The following FGF12 variants were observed in gnomAD, a reference collection of about 807,000 sequenced individuals.
FGF12 encodes the protein fibroblast growth factor 12B.
Under a neutral mutation model 23.6 loss-of-function variants are expected in FGF12, and 14 were observed. The ratio of observed to expected loss-of-function variants is 0.59; its 90% CI spans 0.39 to 0.93. The LOEUF is 0.93. Among genes scored for constraint, FGF12 ranks in the 40% least tolerant of loss-of-function variants. The pLI, the probability that FGF12 is intolerant of heterozygous loss-of-function variation, is 0.00. For synonymous variants in FGF12, 62 were observed against 77.3 expected (o/e 0.80, Z 1.04); for missense variants, 175 against 217.8 (o/e 0.80, Z 1.24).
intron 4 of FGF12, among the ~76,000 whole-genome samples, chr3:192,252,345 C>T (rs1332143947): frequency 6.6e-6 from 1 of 150,870 alleles, no homozygotes; most frequent in Non-Finnish European, 1.5e-5. Context: ...TGCCTGGAAT[C>T]CCAGCTACTG....
At chr3:192,489,515 G>A (rs766708110) in intron 2 of FGF12, among the ~76,000 whole-genome samples, 2 of 151,892 alleles carry the variant, frequency 1.3e-5, no homozygotes, top group Admixed American at 6.6e-5. Context: ...CATAATCAAC[G>A]CAAGCCAAAC....
chr3:192,190,030 A>T (rs1716693841), intron 4 of FGF12, among the ~76,000 whole-genome samples: 2 of 152,362 alleles, frequency 1.3e-5, no homozygotes, highest in East Asian at 3.9e-4. Flanking sequence ...GACAAATTGA[A>T]AAAAGCATGG....
intron 2 of FGF12, among the ~76,000 whole-genome samples, chr3:192,605,045 C>A (rs114048165): frequency 4.6e-5 from 7 of 152,062 alleles, no homozygotes; most frequent in African/African-American, 9.7e-5. Flanking sequence ...AAAACTCAAG[C>A]TGAATTAAAG....
In FGF12 at chr3:192,580,373, A is replaced by T. The variant is rs76927514; in HGVS notation, c.13+146808T>A. ...CCCTTATAAAAAATGATTAGAGATG[A>T]AAACTGCTTCAAGCTCTCCCTGAAA... On this transcript the variant is annotated intron_variant, in intron 2 of 5. Transcript: ENST00000445105. Among the ~76,000 whole-genome samples, 488 of 152,082 alleles carry T rather than the reference A, an allele frequency of 3.2e-3. 1 individual carries two copies. The highest frequency in any genetic ancestry group is 0.011 in the African/African-American group (474 of 41,484).
At chr3:192,194,334 A>T (rs976634051) in intron 4 of FGF12, among the ~76,000 whole-genome samples, 7 of 152,196 alleles carry the variant, frequency 4.6e-5, no homozygotes, top group African/African-American at 9.6e-5. Context: ...GATAATGCAT[A>T]CCTCAGAGGA....
rs1482447213 is a variant in FGF12 at position 192,664,594 on chromosome 3, C to CAAAAAAAAAAAA, written c.13+62586_13+62587insTTTTTTTTTTTT. Among the ~76,000 whole-genome samples, 123 of 97,008 alleles carry CAAAAAAAAAAAA rather than the reference C, an allele frequency of 1.3e-3. 17 individuals are homozygous for CAAAAAAAAAAAA. Among genetic ancestry groups the CAAAAAAAAAAAA allele is most frequent in the African/African-American group, 4.0e-3 (93 of 23,028 alleles). 63.6% of individuals were successfully genotyped at this position (97,008 alleles called of 152,430 possible). ...TGAAACCCTGTCTCTACTAAAAATA[C>CAAAAAAAAAAAA]AAAAAAAATACAAAAAAAAAAAAAA... On this transcript the variant is annotated intron_variant, in intron 2 of 5. Transcript: ENST00000445105.
At chr3:192,516,657 G>GCTC (rs1225363702) in intron 2 of FGF12, 1 of 152,216 alleles carries the variant, frequency 6.6e-6, no homozygotes, top group Non-Finnish European at 1.5e-5. Context: ...TCCTTTCAAA[G>GCTC]CTGAAGCTCC....
intron 4 of FGF12, among the ~76,000 whole-genome samples, chr3:192,198,153 CTGAG>C (rs1717175271): frequency 1.3e-5 from 2 of 151,952 alleles, no homozygotes; most frequent in South Asian, 4.1e-4. Context: ...AGGCAGAGAG[CTGAG>C]TATTTTGTAT....
chr3:192,487,571 G>T (rs1296914694), intron 2 of FGF12, among the ~76,000 whole-genome samples: 1 of 152,088 alleles, frequency 6.6e-6, no homozygotes, highest in East Asian at 1.9e-4. Context: ...TACTGTTCAT[G>T]TCATTGCTGG....
chr3:192,570,155 A>T (rs1712527367), intron 2 of FGF12, among the ~76,000 whole-genome samples: 1 of 152,234 alleles, frequency 6.6e-6, no homozygotes, highest in Admixed American at 6.5e-5. Flanking sequence ...GGAGGAAGAC[A>T]GAGGTGCCAT....
chr3:192,397,060 G>A (rs556949143), intron 2 of FGF12, among the ~76,000 whole-genome samples: 25 of 152,236 alleles, frequency 1.6e-4, no homozygotes, highest in African/African-American at 5.5e-4. Flanking sequence ...AAATGCACTC[G>A]GGAACATTTC....
At chr3:192,154,999 T>C (rs929768048) in intron 5 of FGF12, among the ~76,000 whole-genome samples, 16 of 145,452 alleles carry the variant, frequency 1.1e-4, no homozygotes, top group South Asian at 9.3e-4. Flanking sequence ...GAGCCAGGTG[T>C]GGGATATAGT....
At chr3:192,387,497 C>A (rs576216020) in intron 2 of FGF12, among the ~76,000 whole-genome samples, 3 of 152,112 alleles carry the variant, frequency 2.0e-5, no homozygotes, top group Admixed American at 1.3e-4. Context: ...AAAATGATTT[C>A]TTTTTATTAC....
chr3:192,474,008 A>G (rs932538483), intron 2 of FGF12, among the ~76,000 whole-genome samples: 35 of 152,318 alleles, frequency 2.3e-4, no homozygotes, highest in African/African-American at 8.4e-4. Flanking sequence ...TTAAATATTT[A>G]TTGTAAGCCA....
At chr3:192,433,913 T>C (rs951763002) in intron 2 of FGF12, among the ~76,000 whole-genome samples, 1 of 152,206 alleles carries the variant, frequency 6.6e-6, no homozygotes, top group African/African-American at 2.4e-5. Context: ...TCAGTATTTC[T>C]GGCCATTTCG....
chr3:192,542,261 A>T (rs1489228585), intron 2 of FGF12, among the ~76,000 whole-genome samples: 1 of 151,866 alleles, frequency 6.6e-6, no homozygotes, highest in East Asian at 1.9e-4. Flanking sequence ...CTTCCACCTG[A>T]TTTATTCTGC....
chr3:192,544,567 T>G (rs1266580717), intron 2 of FGF12, among the ~76,000 whole-genome samples: 1 of 152,206 alleles, frequency 6.6e-6, no homozygotes, highest in Non-Finnish European at 1.5e-5. Context: ...ACTGTAAATT[T>G]ATTTTATCTC....
chr3:192,708,180 C>T lies in FGF12; in HGVS notation c.13+19001G>A, dbSNP rs910178279. Among the ~76,000 whole-genome samples, 59 of 152,102 alleles carry T rather than the reference C, an allele frequency of 3.9e-4. 1 individual carries two copies. Among genetic ancestry groups the T allele is most frequent in the Admixed American group, 2.9e-3 (44 of 15,282 alleles). ...TTCACCGTGTTAGCCAGGTTGGTCTCGATCTCCTGACCTCGTGATCCACCC... is the reference window on the plus strand; with the variant it reads ...TTCACCGTGTTAGCCAGGTTGGTCTTGATCTCCTGACCTCGTGATCCACCC... On this transcript the variant is annotated intron_variant, in intron 2 of 5. Coordinates refer to ENST00000445105, the MANE Select transcript of FGF12 (RefSeq NM_004113.6).
At chr3:192,283,099 T>C (rs897747580) in intron 4 of FGF12, 4 of 151,912 alleles carry the variant, frequency 2.6e-5, no homozygotes, top group African/African-American at 9.7e-5. Flanking sequence ...CTTTGAAAAA[T>C]AATGTAAAGG....
Sources: gnomAD v4.1 joint callset for allele counts (sites outside exome capture counted in the v4.1 genomes callset) on GRCh38, gnomAD v4.1.1 for gene constraint, MANE v1.5 for transcripts, NCBI Gene and HGNC (gene_info 2026-07-23, HGNC 2026-07-21) for gene names.